Variants in SEMA3A observed in about 807,000 individuals in gnomAD.
SEMA3A encodes semaphorin-3A.
Under a neutral mutation model 97.9 loss-of-function variants are expected in SEMA3A, and 29 were observed. The observed-to-expected ratio is 0.30, with a 90% CI of 0.22 to 0.40. The LOEUF is 0.40. SEMA3A is among the 10% of genes least tolerant of loss of function. The pLI, the probability that SEMA3A is intolerant of heterozygous loss-of-function variation, is 1.00. For synonymous variants in SEMA3A, 321 were observed against 323.7 expected (o/e 0.99, Z 0.09); for missense variants, 763 against 951.3 (o/e 0.80, Z 2.60).
At chr7:84,254,035 T>C (rs1799664455) in intron 3 of SEMA3A, among the ~76,000 whole-genome samples, 1 of 152,130 alleles carries the variant, frequency 6.6e-6, no homozygotes. Context: ...ATGATGACAA[T>C]TGAGAAAACA....
chr7:84,198,419 C>T (rs927290519), upstream of SEMA3A, among the ~76,000 whole-genome samples: 1 of 152,070 alleles, frequency 6.6e-6, no homozygotes, highest in African/African-American at 2.4e-5. Context: ...CCAGGTTGGT[C>T]TCAAACTCCT....
intron 15 of SEMA3A, among the ~76,000 whole-genome samples, chr7:83,972,427 TA>T (rs1788955014): frequency 6.6e-6 from 1 of 152,130 alleles, no homozygotes; most frequent in Non-Finnish European, 1.5e-5. Context: ...TGGTATGTTT[TA>T]TTTTCATGAT....
At chr7:84,098,550 T>C (rs1216026878) in intron 4 of SEMA3A, among the ~76,000 whole-genome samples, 1 of 152,068 alleles carries the variant, frequency 6.6e-6, no homozygotes, top group Non-Finnish European at 1.5e-5. Flanking sequence ...GTTATTACTA[T>C]AATCTTTTAA....
At chr7:84,453,525 C>T (rs1424252764) in intron 1 of SEMA3A, among the ~76,000 whole-genome samples, 2 of 152,150 alleles carry the variant, frequency 1.3e-5, no homozygotes, top group East Asian at 1.9e-4. Flanking sequence ...CGTGAGCCAC[C>T]GCGCCCGGCC....
rs1478383862 is a variant in SEMA3A at position 84,321,898 on chromosome 7, AAG to A, written c.-168-14608_-168-14607del. Among the ~76,000 whole-genome samples, 109 of 61,788 alleles carry A rather than the reference AAG, an allele frequency of 1.8e-3. 6 individuals are homozygous for A. Among genetic ancestry groups the A allele is most frequent in the African/African-American group, 7.2e-3 (92 of 12,798 alleles). 40.5% of individuals were successfully genotyped at this position (61,788 alleles called of 152,430 possible). ...AAAAAAAAAAAAAAAAAAAAAAAAA[AAG>A]AAGAAGAAGAAGGAGGAAATACCTG... is the stretch of plus-strand genomic sequence containing the variant. On this transcript the variant is annotated intron_variant, in intron 2 of 3. Coordinates refer to the SEMA3A transcript ENST00000424555.
intron 3 of SEMA3A, among the ~76,000 whole-genome samples, chr7:84,219,414 T>C (rs370250211): frequency 8.5e-5 from 13 of 152,118 alleles, no homozygotes; most frequent in Non-Finnish European, 2.9e-5. Flanking sequence ...ACAAAAATAG[T>C]TAAAGAACTA....
chr7:84,422,778 T>C (rs537100704), intron 1 of SEMA3A, among the ~76,000 whole-genome samples: 14 of 152,238 alleles, frequency 9.2e-5, no homozygotes, highest in South Asian at 8.3e-4. Context: ...ATGTACCCAG[T>C]AGTCATTCAG....
intron 1 of SEMA3A, among the ~76,000 whole-genome samples, chr7:84,485,818 G>C (rs1291255745): frequency 6.6e-6 from 1 of 152,138 alleles, no homozygotes; most frequent in Non-Finnish European, 1.5e-5. Context: ...AAGTAATAAA[G>C]ATTTGGGGCT....
At chr7:84,169,364 T>G (rs1417054466) in intron 1 of SEMA3A, among the ~76,000 whole-genome samples, 3 of 151,104 alleles carry the variant, frequency 2.0e-5, no homozygotes, top group Non-Finnish European at 3.0e-5. Flanking sequence ...ATAGGATGTC[T>G]AATGTAATAT....
chr7:84,143,469 A>G (rs1554334978), intron 1 of SEMA3A, among the ~76,000 whole-genome samples: 1 of 150,482 alleles, frequency 6.6e-6, no homozygotes. Context: ...AGGGTTAACA[A>G]ATCATAGAGA....
intron 14 of SEMA3A, among the ~76,000 whole-genome samples, chr7:83,979,427 G>A (rs1368564291): frequency 2.0e-5 from 3 of 151,850 alleles, no homozygotes; most frequent in African/African-American, 7.3e-5. Context: ...CCACGGTGTC[G>A]GGCTGAATTC....
chr7:84,144,223 T>C (rs563505311), intron 1 of SEMA3A, among the ~76,000 whole-genome samples: 3 of 151,830 alleles, frequency 2.0e-5, no homozygotes, highest in African/African-American at 7.2e-5. Flanking sequence ...GATCACAGAG[T>C]GTGCTTAAAG....
intron 6 of SEMA3A, among the ~76,000 whole-genome samples, chr7:84,027,979 G>A (rs192879263): frequency 9.2e-5 from 14 of 152,240 alleles, no homozygotes; most frequent in African/African-American, 2.6e-4. Flanking sequence ...TGTTATTGAC[G>A]TCATCAAAAT....
At chr7:84,074,402 C>T (rs1793864363) in intron 4 of SEMA3A, among the ~76,000 whole-genome samples, 1 of 152,094 alleles carries the variant, frequency 6.6e-6, no homozygotes, top group Non-Finnish European at 1.5e-5. Context: ...ATCTCTGTCA[C>T]TAAGTGCTGA....
intron 1 of SEMA3A, among the ~76,000 whole-genome samples, chr7:84,446,252 C>T (rs1353912100): frequency 1.3e-5 from 2 of 152,136 alleles, no homozygotes; most frequent in Non-Finnish European, 2.9e-5. Flanking sequence ...GATATCTTCA[C>T]CAATGAATTC....
intron 2 of SEMA3A, among the ~76,000 whole-genome samples, chr7:84,352,375 AG>A (rs973928115): frequency 2.6e-5 from 4 of 151,668 alleles, no homozygotes; most frequent in Non-Finnish European, 4.4e-5. Flanking sequence ...AATAACAAAA[AG>A]AGTATAATTG....
intron 2 of SEMA3A, among the ~76,000 whole-genome samples, chr7:84,309,198 C>A (rs1203367450): frequency 6.6e-6 from 1 of 151,916 alleles, no homozygotes. Context: ...GGGAAATATA[C>A]AAAAGTGAAA....
In SEMA3A at chr7:84,015,262, G is replaced by T. The variant is rs1262098844; in HGVS notation, c.668-911C>A. 1.3e-3 allele frequency among the ~76,000 whole-genome samples: 40 copies of T among 31,068 alleles called. 1 individual carries two copies. The highest frequency in any genetic ancestry group is 2.7e-4 in the Non-Finnish European group (5 of 18,430). The allele number at this position is 31,068 out of a possible 152,430, so 20.4% of individuals were successfully genotyped here. ...CGTTCCATGAGAATAAGTATTTGTT[G>T]TATTTTTTGTTGATGCGGTGAACCT... is the stretch of plus-strand genomic sequence containing the variant. On this transcript the variant is annotated intron_variant, in intron 6 of 16. Coordinates refer to ENST00000265362, the MANE Select transcript of SEMA3A (RefSeq NM_006080.3).
intron 1 of SEMA3A, among the ~76,000 whole-genome samples, chr7:84,461,430 A>C (rs1805836119): frequency 6.6e-6 from 1 of 151,858 alleles, no homozygotes; most frequent in South Asian, 2.1e-4. Flanking sequence ...TTCCATCATG[A>C]ATATGTATTT....
Sources: gnomAD v4.1 joint callset for allele counts (sites outside exome capture counted in the v4.1 genomes callset) on GRCh38, gnomAD v4.1.1 for gene constraint, MANE v1.5 for transcripts, NCBI Gene and HGNC (gene_info 2026-07-23, HGNC 2026-07-21) for gene names.